Variants in FMN1 observed in about 807,000 individuals in gnomAD.
The protein encoded by FMN1 is formin 1.
FMN1 carries 110 observed loss-of-function variants against 132.4 expected under a neutral mutation model. The ratio of observed to expected loss-of-function variants is 0.83; its 90% CI spans 0.71 to 0.97. The LOEUF is 0.97. Ranked by LOEUF, FMN1 falls within the 50% of genes least tolerant of loss-of-function variation. FMN1 has a pLI of 0.00. For missense variants in FMN1, 1,792 were observed against 1,705.3 expected (o/e 1.05, Z -0.90); for synonymous variants, 722 against 651.7 (o/e 1.11, Z -1.64).
intron 19 of FMN1, among the ~76,000 whole-genome samples, chr15:32,793,185 C>T (rs1347577846): frequency 6.6e-6 from 1 of 152,110 alleles, no homozygotes; most frequent in Non-Finnish European, 1.5e-5. Context: ...AGTTTATCCT[C>T]TCTCCTTATT....
At chr15:33,145,155 A>G (rs1964166692) in intron 4 of FMN1, among the ~76,000 whole-genome samples, 1 of 151,830 alleles carries the variant, frequency 6.6e-6, no homozygotes, top group Admixed American at 6.6e-5. Context: ...CCTCCTCATC[A>G]CTGCTTTCAT....
At chr15:32,971,649 T>G (rs1420940519) in intron 7 of FMN1, among the ~76,000 whole-genome samples, 1 of 152,236 alleles carries the variant, frequency 6.6e-6, no homozygotes, top group African/African-American at 2.4e-5. Context: ...TATTCTCAAC[T>G]AAACCTTCTT....
chr15:33,053,394 T>C (rs2037069200), intron 6 of FMN1, among the ~76,000 whole-genome samples: 1 of 152,206 alleles, frequency 6.6e-6, no homozygotes, highest in Admixed American at 6.5e-5. Context: ...TGTTGGCACT[T>C]GGAGCTGCCA....
intron 3 of FMN1, among the ~76,000 whole-genome samples, chr15:33,165,141 C>T (rs1357402379): frequency 6.6e-6 from 1 of 152,204 alleles, no homozygotes; most frequent in Non-Finnish European, 1.5e-5. Context: ...ATGGTGACAG[C>T]ACAGCATCTC....
At chr15:32,864,404 A>G (rs904026157) in intron 16 of FMN1, among the ~76,000 whole-genome samples, 1 of 152,244 alleles carries the variant, frequency 6.6e-6, no homozygotes, top group South Asian at 2.1e-4. Flanking sequence ...TTTCTACTAA[A>G]TAGCCCTTCA....
intron 17 of FMN1, among the ~76,000 whole-genome samples, chr15:32,804,974 T>G (rs531908160): frequency 1.3e-5 from 2 of 152,340 alleles, no homozygotes; most frequent in East Asian, 3.9e-4. Flanking sequence ...TAAATATACA[T>G]GTGCATATAT....
At chr15:33,075,166 C>T (rs1447024181) in intron 5 of FMN1, among the ~76,000 whole-genome samples, 2 of 151,522 alleles carry the variant, frequency 1.3e-5, no homozygotes, top group Non-Finnish European at 2.9e-5. Flanking sequence ...CTGGTAAGAA[C>T]AGTACCTACA....
chr15:33,135,113 T>C (rs61661493), intron 4 of FMN1, among the ~76,000 whole-genome samples: 2,175 of 152,324 alleles, frequency 0.014, 55 homozygotes, highest in African/African-American at 0.05. Flanking sequence ...CCCTTCATAT[T>C]ATCTTCCAAA....
intron 17 of FMN1, among the ~76,000 whole-genome samples, chr15:32,846,105 T>C (rs2058849730): frequency 6.6e-6 from 1 of 152,214 alleles, no homozygotes. Flanking sequence ...AAACACAACA[T>C]TTTATTGTGC....
intron 4 of FMN1, chr15:33,150,649 C>T: frequency 2.0e-6 from 2 of 985,496 alleles, no homozygotes; most frequent in Non-Finnish European, 2.4e-6. Context: ...GGAATTACTA[C>T]TTGCCTCTAA....
intron 16 of FMN1, among the ~76,000 whole-genome samples, chr15:32,865,837 A>C (rs1196029398): frequency 2.2e-5 from 2 of 92,226 alleles, no homozygotes; most frequent in East Asian, 5.7e-4. Flanking sequence ...ACTCCACCTC[A>C]AAAAAAAAAA....
intron 17 of FMN1, among the ~76,000 whole-genome samples, chr15:32,838,753 A>G (rs955882793): frequency 6.6e-6 from 1 of 152,240 alleles, no homozygotes; most frequent in African/African-American, 2.4e-5. Flanking sequence ...TCAAGGCAAC[A>G]GAATCCAAAT....
chr15:33,015,156 T>C (rs568079769), intron 6 of FMN1, among the ~76,000 whole-genome samples: 6 of 152,230 alleles, frequency 3.9e-5, no homozygotes, highest in African/African-American at 7.2e-5. Flanking sequence ...GTTTATTCCC[T>C]TGTTTTCGTT....
At chr15:32,845,217 A>G (rs1203400822) in intron 17 of FMN1, among the ~76,000 whole-genome samples, 1 of 152,212 alleles carries the variant, frequency 6.6e-6, no homozygotes, top group East Asian at 1.9e-4. Context: ...AGTGGTGGCT[A>G]GGCCAATAAT....
Position 32,901,995 on chromosome 15 carries a change from G to C in FMN1, c.3423C>G (p.Ala1141=). Residue 1141 remains alanine (A), a synonymous_variant, in exon 13 of 21, where the codon GCC becomes GCG. Coordinates refer to ENST00000616417, the MANE Select transcript of FMN1 (RefSeq NM_001277313.2). The stretch of plus-strand genomic sequence containing the variant: ...AGACAGATCTGAAGATTATGCACTG[G>C]GCACGTTCAGCAAAATTAGGAATCT... ...LAQIPNFAER[A]QCIIFRSVFS... is the part of the protein sequence containing the mutation. 1 of 1,612,852 alleles carries C rather than the reference G, an allele frequency of 6.2e-7. No individual in the cohort carries two copies. The highest frequency in any genetic ancestry group is 1.1e-5 in the South Asian group (1 of 90,914).
intron 6 of FMN1, among the ~76,000 whole-genome samples, chr15:33,046,241 T>C (rs2036677544): frequency 6.6e-6 from 1 of 152,112 alleles, no homozygotes; most frequent in African/African-American, 2.4e-5. Context: ...GCTTACACAT[T>C]AGGCCTGGGA....
chr15:32,792,475 AC>A lies in FMN1; in HGVS notation c.4130+6328del, dbSNP rs398026766. Among the ~76,000 whole-genome samples, 592 of 149,212 alleles carry A rather than the reference AC, an allele frequency of 4.0e-3. 5 individuals are homozygous for A. Among genetic ancestry groups the A allele is most frequent in the African/African-American group, 0.014 (567 of 39,920 alleles). ...AAAATAAAACAAACAAACAAAAAAA[AC>A]CCAAAAAAACTAGCAGTGGCAAAGA... On this transcript the variant is annotated intron_variant, in intron 19 of 20. Coordinates refer to ENST00000616417, the MANE Select transcript of FMN1 (RefSeq NM_001277313.2).
At chr15:33,191,052 C>T (rs1213522380) in intron 2 of FMN1, among the ~76,000 whole-genome samples, 1 of 152,088 alleles carries the variant, frequency 6.6e-6, no homozygotes, top group African/African-American at 2.4e-5. Context: ...CACCTGTAGA[C>T]CCAGCTATTC....
At chr15:33,053,636 C>G (rs2037081017) in intron 6 of FMN1, among the ~76,000 whole-genome samples, 1 of 152,116 alleles carries the variant, frequency 6.6e-6, no homozygotes, top group Admixed American at 6.5e-5. Context: ...TACTCCCCAT[C>G]TCAAGTTTGA....
Sources: gnomAD v4.1 joint callset for allele counts (sites outside exome capture counted in the v4.1 genomes callset) on GRCh38, gnomAD v4.1.1 for gene constraint, MANE v1.5 for transcripts, NCBI Gene and HGNC (gene_info 2026-07-23, HGNC 2026-07-21) for gene names.